Variants in CLEC16A observed in about 807,000 individuals in gnomAD.
CLEC16A encodes the protein C-type lectin domain containing 16A.
A neutral mutation model predicts 109.5 loss-of-function variants in CLEC16A; 51 were observed. That is an observed-to-expected ratio of 0.47 (90% CI 0.37 to 0.59). The LOEUF is 0.59. CLEC16A is among the 20% of genes least tolerant of loss of function. CLEC16A has a pLI of 0.00. For synonymous variants in CLEC16A, 673 were observed against 564.2 expected (o/e 1.19, Z -2.73); for missense variants, 1,339 against 1,394.0 (o/e 0.96, Z 0.63).
At chr16:11,049,046 G>A (rs547247099) in intron 17 of CLEC16A, among the ~76,000 whole-genome samples, 12 of 150,948 alleles carry the variant, frequency 7.9e-5, no homozygotes, top group Middle Eastern at 3.4e-3. Flanking sequence ...TTGCTCTGTC[G>A]CCCAGGCTGG....
At chr16:11,029,583 C>T (rs1488112352) in intron 13 of CLEC16A, among the ~76,000 whole-genome samples, 1 of 152,014 alleles carries the variant, frequency 6.6e-6, no homozygotes, top group Admixed American at 6.6e-5. Context: ...GTGCTTCTCC[C>T]TCTCAGGGAT....
chr16:11,162,741 G>A (rs540065115), intron 22 of CLEC16A, among the ~76,000 whole-genome samples: 1 of 152,288 alleles, frequency 6.6e-6, no homozygotes, highest in East Asian at 1.9e-4. Context: ...TCATCTAGAG[G>A]GATTAGAATT....
intron 22 of CLEC16A, among the ~76,000 whole-genome samples, chr16:11,136,865 C>T (rs1319274240): frequency 1.3e-5 from 2 of 152,218 alleles, no homozygotes; most frequent in Admixed American, 6.5e-5. Context: ...GGCAGTCCCC[C>T]GGAGCCTCAC....
intron 13 of CLEC16A, among the ~76,000 whole-genome samples, chr16:11,031,281 T>C (rs1159295978): frequency 2.6e-5 from 4 of 152,220 alleles, no homozygotes; most frequent in Non-Finnish European, 5.9e-5. Flanking sequence ...GTGCTGTCTG[T>C]GTGGTGTAGA....
intron 20 of CLEC16A, among the ~76,000 whole-genome samples, chr16:11,122,208 C>G (rs1424255953): frequency 6.6e-6 from 1 of 152,212 alleles, no homozygotes; most frequent in Non-Finnish European, 1.5e-5. Context: ...GCTACTGTTA[C>G]AGCCTCTTCC....
chr16:10,996,420 G>A (rs1480973336), intron 10 of CLEC16A, among the ~76,000 whole-genome samples: 1 of 152,204 alleles, frequency 6.6e-6, no homozygotes, highest in African/African-American at 2.4e-5. Context: ...GGTGACCTAG[G>A]CCTTAGCAGA....
intron 3 of CLEC16A, among the ~76,000 whole-genome samples, chr16:10,967,217 C>G (rs893829138): frequency 1.3e-5 from 2 of 152,176 alleles, no homozygotes. Flanking sequence ...ACTGTGGCTT[C>G]CATCACGATC....
intron 2 of CLEC16A, among the ~76,000 whole-genome samples, chr16:10,958,180 A>G (rs1187336339): frequency 3.9e-5 from 6 of 152,254 alleles, no homozygotes; most frequent in South Asian, 4.1e-4. Flanking sequence ...GTGTCTGATT[A>G]TTTTCCCAAA....
intron 19 of CLEC16A, among the ~76,000 whole-genome samples, chr16:11,118,851 G>A (rs6498162): frequency 0.68 from 103,132 of 152,050 alleles, 35,802 homozygotes; most frequent in African/African-American, 0.81. Flanking sequence ...ATTCTTCTGC[G>A]TATGGCTGTC....
intron 19 of CLEC16A, among the ~76,000 whole-genome samples, chr16:11,072,490 A>C (rs1336167352): frequency 1.3e-5 from 2 of 152,180 alleles, no homozygotes; most frequent in East Asian, 3.8e-4. Context: ...AGAGAGAGAG[A>C]GATAATCCAG....
intron 22 of CLEC16A, among the ~76,000 whole-genome samples, chr16:11,133,488 C>T (rs911529024): frequency 2.2e-4 from 34 of 152,250 alleles, no homozygotes; most frequent in African/African-American, 8.2e-4. Context: ...AAAGCCTCGC[C>T]GGTTCCAGAG....
intron 19 of CLEC16A, among the ~76,000 whole-genome samples, chr16:11,094,090 G>A (rs1285907300): frequency 1.3e-5 from 2 of 152,160 alleles, no homozygotes; most frequent in Non-Finnish European, 2.9e-5. Context: ...GTGGCATTAG[G>A]AAGCAGGACT....
chr16:10,967,115 G>C lies in CLEC16A; in HGVS notation c.344-2046G>C, dbSNP rs1339775608. Among the ~76,000 whole-genome samples the C allele has an allele frequency of 2.6e-5, 4 of 152,142 alleles. No individual in the cohort carries two copies. In the East Asian group the frequency reaches 5.8e-4, roughly 22 times the overall value. ...AGACTACAAACCGCACAGCCTGTCTGCCATGCCTGCTCAGAGTGCACAGTG... is the reference window on the plus strand; with the variant it reads ...AGACTACAAACCGCACAGCCTGTCTCCCATGCCTGCTCAGAGTGCACAGTG... On this transcript the variant is annotated intron_variant, in intron 3 of 23. Coordinates refer to ENST00000409790, the MANE Select transcript of CLEC16A (RefSeq NM_015226.3).
At position 11,021,641 on chromosome 16, in the gene CLEC16A, T is replaced by C. The variant is rs190543934; in HGVS notation, c.1436+1316T>C. 2.4e-4 allele frequency among the ~76,000 whole-genome samples: 37 copies of C among 152,234 alleles called. No individual in the cohort carries two copies. The East Asian group carries it at 6.8e-3, about 28-fold the overall frequency. On this transcript the variant is annotated intron_variant, in intron 12 of 23. Transcript: ENST00000409790. ...GTGAGACCCCATCTTTACGAAAATA[T>C]TAAAAAATTAGCCGGGCATGGTGGC...
chr16:10,948,841 G>C (rs2041571922), intron 1 of CLEC16A, among the ~76,000 whole-genome samples: 1 of 152,118 alleles, frequency 6.6e-6, no homozygotes, highest in South Asian at 2.1e-4. Context: ...TTTCAGGCAG[G>C]CTGCAGGCTT....
At position 11,039,758 on chromosome 16, in the gene CLEC16A, G is replaced by A. The variant is rs2047217452; in HGVS notation, c.1542G>A (p.Met514Ile). Residue 514 changes from methionine to isoleucine, a missense_variant, in exon 14 of 24, where the codon ATG (methionine) becomes ATA (isoleucine). By Grantham distance (10) the Met-to-Ile change is conservative (BLOSUM62 1). Transcript: ENST00000409790. ...CATCCTTCTCCTCTGTTCCAGGCAT[G>A]GATCCTGAAAAATTAGAGCGAATCC... is the stretch of plus-strand genomic sequence containing the variant. ...LLYAMSHNKG[M>I]DPEKLERIQL... The A allele has an allele frequency of 1.9e-6, 3 of 1,598,984 alleles. No homozygotes were observed. The highest frequency in any genetic ancestry group is 1.3e-5 in the African/African-American group (1 of 74,522).
In CLEC16A at chr16:10,944,707, G is replaced by C. The variant is rs1319893967; in HGVS notation, c.-11G>C. ...AGACCGTGAGACGAGAGACGGGTCGGGGCCGCCGACATGTTTGGCCGCTCG... is the reference window on the plus strand; with the variant it reads ...AGACCGTGAGACGAGAGACGGGTCGCGGCCGCCGACATGTTTGGCCGCTCG... On this transcript the variant is annotated 5_prime_UTR_variant, in exon 1 of 24. Transcript: ENST00000409790. 6.2e-7 allele frequency: 1 copy of C among 1,601,262 alleles called. No homozygotes were observed. Among genetic ancestry groups the C allele is most frequent in the Non-Finnish European group, 8.5e-7 (1 of 1,174,734 alleles).
At chr16:11,030,085 A>G (rs1227538802) in intron 13 of CLEC16A, among the ~76,000 whole-genome samples, 1 of 152,220 alleles carries the variant, frequency 6.6e-6, no homozygotes, top group African/African-American at 2.4e-5. Flanking sequence ...GCTGAGTAAC[A>G]TTCCATTATA....
chr16:11,118,774 T>G (rs541520832), intron 19 of CLEC16A, among the ~76,000 whole-genome samples: 1 of 152,354 alleles, frequency 6.6e-6, no homozygotes, highest in South Asian at 2.1e-4. Context: ...TTCTGGGTCT[T>G]ACATTTAAGT....
Sources: allele counts gnomAD v4.1 joint callset (sites outside exome capture counted in the v4.1 genomes callset), GRCh38; gene constraint gnomAD v4.1.1; transcripts MANE v1.5; gene names NCBI Gene and HGNC (gene_info 2026-07-23, HGNC 2026-07-21).